Variants in TTLL9 observed in about 807,000 individuals in gnomAD.
TTLL9 encodes the protein probable tubulin polyglutamylase TTLL9.
Under a neutral mutation model 65.6 loss-of-function variants are expected in TTLL9, and 47 were observed. The observed-to-expected ratio is 0.72, with a 90% CI of 0.57 to 0.91. TTLL9 has a LOEUF of 0.91. Among genes scored for constraint, TTLL9 ranks in the 40% least tolerant of loss-of-function variants. TTLL9 has a pLI of 0.00. For synonymous variants in TTLL9, 179 were observed against 204.8 expected (o/e 0.87, Z 1.07); for missense variants, 537 against 568.8 (o/e 0.94, Z 0.57).
chr20:31,879,881 T>G lies in TTLL9; in HGVS notation c.70-7315T>G, dbSNP rs1220492820. 3.2e-6 allele frequency: 5 copies of G among 1,550,298 alleles called. No homozygotes were observed. The East Asian group carries it at 1.2e-4, about 38-fold the overall frequency. ...TGGATCTGGCCCCTGGGGAATCGCGTTATGTCGCGACCGAAGGTAGGAGTC... is the reference window on the plus strand; with the variant it reads ...TGGATCTGGCCCCTGGGGAATCGCGGTATGTCGCGACCGAAGGTAGGAGTC... On this transcript the variant is annotated intron_variant, in intron 2 of 14. Transcript: ENST00000535842.
At chr20:31,939,382 C>T (rs1329718393) in intron 14 of TTLL9, 116 bp downstream of exon 14, 1 of 1,257,260 alleles carries the variant, frequency 8.0e-7, no homozygotes. Context: ...CTGCAACTTA[C>T]CAGCTGTGTG....
chr20:31,915,852 T>C (rs1404928922), intron 6 of TTLL9, among the ~76,000 whole-genome samples: 1 of 152,224 alleles, frequency 6.6e-6, no homozygotes, highest in East Asian at 1.9e-4. Context: ...ATTGCCATTG[T>C]TATGAACCAT....
intron 6 of TTLL9, among the ~76,000 whole-genome samples, chr20:31,911,760 T>G (rs1308796310): frequency 6.6e-6 from 1 of 151,988 alleles, no homozygotes; most frequent in Admixed American, 6.6e-5. Context: ...CCCACAGCCT[T>G]TGTTAGCAGC....
At position 31,934,798 on chromosome 20, in the gene TTLL9, G is replaced by A. The variant is rs566844956; in HGVS notation, c.914G>A (p.Ser305Asn). 1 of 1,613,958 alleles carries A rather than the reference G, an allele frequency of 6.2e-7. No homozygotes were observed. The highest frequency in any genetic ancestry group is 2.2e-5 in the East Asian group (1 of 44,878). ...FRDIDNIFVK[S>N]LQSVQKVIIS... Reference sequence around the variant, plus strand: ...GACATCGACAACATCTTTGTCAAAAGCCTGCAGAGTGTGCAGAAGGTGATC... The same window carrying A: ...GACATCGACAACATCTTTGTCAAAAACCTGCAGAGTGTGCAGAAGGTGATC... Residue 305 changes from serine to asparagine, a missense_variant, in exon 12 of 15, where the codon AGC becomes AAC. Coordinates refer to ENST00000535842, the MANE Select transcript of TTLL9 (RefSeq NM_001008409.5).
In TTLL9 at chr20:31,943,070, T is replaced by G; in HGVS notation, c.*49T>G. ...AGCCTTAGCAGGTGCCACCCAGGCC[T>G]CCCCCCCACTCCCAGATCCCAGCAC... On this transcript the variant is annotated 3_prime_UTR_variant, in exon 15 of 15. Coordinates refer to ENST00000535842, the MANE Select transcript of TTLL9 (RefSeq NM_001008409.5). The G allele has an allele frequency of 6.6e-7, 1 of 1,520,082 alleles. No individual in the cohort carries two copies. Among genetic ancestry groups the G allele is most frequent in the Non-Finnish European group, 9.1e-7 (1 of 1,097,586 alleles). 94.2% of individuals were successfully genotyped at this position (1,520,082 alleles called of 1,614,324 possible).
At chr20:31,887,137 C>T (rs2063201830) in intron 2 of TTLL9, 59 bp from the exon 3 acceptor site, 2 of 1,567,566 alleles carry the variant, frequency 1.3e-6, no homozygotes, top group Admixed American at 1.7e-5. Context: ...GTAAGTTAAC[C>T]TGGGAAAACA....
At chr20:31,913,740 A>G (rs1010552247) in intron 6 of TTLL9, among the ~76,000 whole-genome samples, 1 of 152,184 alleles carries the variant, frequency 6.6e-6, no homozygotes, top group African/African-American at 2.4e-5. Context: ...CTTTTAGGGG[A>G]ATATAAGAAC....
chr20:31,910,151 G>A (rs977082849), intron 6 of TTLL9, among the ~76,000 whole-genome samples: 3 of 152,190 alleles, frequency 2.0e-5, no homozygotes, highest in African/African-American at 7.2e-5. Context: ...TGTTTAGGAC[G>A]CCAGGGCAGG....
At chr20:31,937,959 A>C (rs1452845900) in intron 13 of TTLL9, among the ~76,000 whole-genome samples, 1 of 151,758 alleles carries the variant, frequency 6.6e-6, no homozygotes. Flanking sequence ...GAAAAAAAAA[A>C]AAACCCAGAG....
At chr20:31,912,226 G>T (rs927478784) in intron 6 of TTLL9, among the ~76,000 whole-genome samples, 3 of 152,156 alleles carry the variant, frequency 2.0e-5, no homozygotes, top group African/African-American at 4.8e-5. Context: ...CTCTGTCCCT[G>T]GGAAAGCACT....
chr20:31,890,652 C>T (rs2123435083), intron 3 of TTLL9, among the ~76,000 whole-genome samples: 1 of 152,260 alleles, frequency 6.6e-6, no homozygotes, highest in South Asian at 2.1e-4. Context: ...GGTGCATCAT[C>T]GACAGGTAAT....
chr20:31,886,886 TGGG>T (rs2063196929), intron 2 of TTLL9, among the ~76,000 whole-genome samples: 2 of 152,168 alleles, frequency 1.3e-5, no homozygotes, highest in Admixed American at 1.3e-4. Context: ...CTTTCAAAAC[TGGG>T]GTTCAGGGCT....
chr20:31,880,852 CTT>C (rs35047352), intron 2 of TTLL9, among the ~76,000 whole-genome samples: 10 of 108,244 alleles, frequency 9.2e-5, no homozygotes, highest in East Asian at 2.5e-4. Flanking sequence ...TCTTTCTTTC[CTT>C]TTTTTTTTTT....
intron 3 of TTLL9, among the ~76,000 whole-genome samples, chr20:31,890,633 C>G (rs996459616): frequency 1.1e-4 from 16 of 152,112 alleles, no homozygotes; most frequent in African/African-American, 3.9e-4. Flanking sequence ...AGGAGAGAAA[C>G]CAGTAAAAGG....
chr20:31,881,233 C>G lies in TTLL9; in HGVS notation c.70-5963C>G, dbSNP rs1773283731. On this transcript the variant is annotated intron_variant, in intron 2 of 14. Coordinates refer to ENST00000535842, the MANE Select transcript of TTLL9 (RefSeq NM_001008409.5). The stretch of plus-strand genomic sequence containing the variant: ...TTATCTGCTTTCAGAGTGCCTTGAA[C>G]TTTGCCTTTTTACTACAATTCATTA... Among the ~76,000 whole-genome samples the G allele has an allele frequency of 1.3e-5, 2 of 152,166 alleles. 1 individual carries two copies. Among genetic ancestry groups the G allele is most frequent in the African/African-American group, 4.8e-5 (2 of 41,440 alleles).
intron 6 of TTLL9, among the ~76,000 whole-genome samples, chr20:31,911,931 G>A (rs1054748842): frequency 2.0e-5 from 3 of 151,680 alleles, no homozygotes; most frequent in Non-Finnish European, 4.4e-5. Context: ...GCGCTTCTGT[G>A]CTTCTAGTCA....
rs753045954 is a variant in TTLL9, at chr20:31,908,614, G to T, written c.230G>T (p.Trp77Leu). ...AGCGAAGGGGAGTGGGATTTCTACTGGTGTGACGTCAGCTGGCTCCGGGAG... is the reference window on the plus strand; with the variant it reads ...AGCGAAGGGGAGTGGGATTTCTACTTGTGTGACGTCAGCTGGCTCCGGGAG... ...VKDEGEWDFYWCDVSWLRENF... is the reference protein window; with the variant it reads ...VKDEGEWDFYLCDVSWLRENF... The change falls in exon 5 of 15, where the codon TGG (tryptophan) becomes TTG (leucine). Residue 77 changes from tryptophan (W) to leucine (L), a missense_variant. Physicochemically the swap from Trp to Leu is moderately conservative, Grantham distance 61. Coordinates refer to ENST00000535842, the MANE Select transcript of TTLL9 (RefSeq NM_001008409.5). The T allele has an allele frequency of 6.2e-7, 1 of 1,613,836 alleles. No homozygotes were observed. Among genetic ancestry groups the T allele is most frequent in the East Asian group, 2.2e-5 (1 of 44,888 alleles).
At chr20:31,934,465 T>C (rs2123624589) in intron 11 of TTLL9, 3 of 671,330 alleles carry the variant, frequency 4.5e-6, no homozygotes, top group Admixed American at 4.1e-5. Flanking sequence ...ACGCAGGCCA[T>C]GTGGGCAGGG....
At chr20:31,873,674 A>AAGAG (rs946296861) in intron 2 of TTLL9, among the ~76,000 whole-genome samples, 51 of 116,496 alleles carry the variant, frequency 4.4e-4, no homozygotes, top group African/African-American at 4.9e-4. Flanking sequence ...GAAAGAAAGA[A>AAGAG]AGAGAGAGAG....
Sources: allele counts gnomAD v4.1 joint callset (sites outside exome capture counted in the v4.1 genomes callset), GRCh38; gene constraint gnomAD v4.1.1; transcripts MANE v1.5; gene names NCBI Gene and HGNC (gene_info 2026-07-23, HGNC 2026-07-21).